NR2F1-AS1: variants seen among roughly 807,000 people sequenced by gnomAD.
NR2F1-AS1 encodes the protein NR2F1 antisense RNA 1.
intron 4 of NR2F1-AS1, among the ~76,000 whole-genome samples, chr5:93,523,166 G>A (rs1444031272): frequency 6.6e-6 from 1 of 152,150 alleles, no homozygotes; most frequent in Admixed American, 6.5e-5. Context: ...GGTGGGGGGA[G>A]GGGTGTCTGC....
intron 4 of NR2F1-AS1, among the ~76,000 whole-genome samples, chr5:93,493,141 T>C (rs1228086508): frequency 2.0e-5 from 3 of 152,056 alleles, no homozygotes; most frequent in Non-Finnish European, 4.4e-5. Flanking sequence ...CAAAATTCCA[T>C]AGAATCAATC....
intron 4 of NR2F1-AS1, among the ~76,000 whole-genome samples, chr5:93,521,994 T>C (rs1366555315): frequency 1.3e-5 from 2 of 152,128 alleles, no homozygotes; most frequent in Admixed American, 6.6e-5. Flanking sequence ...AAAGAAAATG[T>C]GGTACATATA....
chr5:93,479,961 A>G (rs564471295), intron 4 of NR2F1-AS1, among the ~76,000 whole-genome samples: 33 of 152,280 alleles, frequency 2.2e-4, no homozygotes, highest in Admixed American at 8.5e-4. Flanking sequence ...TTGAAGACAG[A>G]ACAATTATAC....
chr5:93,499,837 T>C (rs1325434465), intron 4 of NR2F1-AS1, among the ~76,000 whole-genome samples: 1 of 152,204 alleles, frequency 6.6e-6, no homozygotes, highest in African/African-American at 2.4e-5. Context: ...AAAACAGCCT[T>C]ATTGCTGATG....
At chr5:93,533,813 T>C (rs565266133) in intron 4 of NR2F1-AS1, among the ~76,000 whole-genome samples, 55 of 152,308 alleles carry the variant, frequency 3.6e-4, no homozygotes, top group Non-Finnish European at 7.2e-4. Flanking sequence ...TTAAGCAATG[T>C]CGTTTAACTT....
rs532128724 is a variant in NR2F1-AS1, at chr5:93,534,745, G to T, written n.638+19016C>A. On this transcript the variant is annotated intron_variant and non_coding_transcript_variant, in intron 4 of 5. Coordinates refer to ENST00000660523, the Ensembl canonical transcript of NR2F1-AS1. ...ATCATCCAGGAAACAAGTAAATTAC[G>T]ATCCAGCCGGTGTAAAAGCTATACC... Among the ~76,000 whole-genome samples the T allele has an allele frequency of 2.0e-5, 3 of 152,228 alleles. No individual in the cohort carries two copies. The South Asian group carries it at 6.2e-4, about 32-fold the overall frequency.
chr5:93,517,166 T>C (rs538509106), intron 4 of NR2F1-AS1, among the ~76,000 whole-genome samples: 1 of 152,006 alleles, frequency 6.6e-6, no homozygotes, highest in Non-Finnish European at 1.5e-5. Flanking sequence ...TTTGTAGTTA[T>C]CCTCAGGTTC....
intron 4 of NR2F1-AS1, among the ~76,000 whole-genome samples, chr5:93,498,187 A>G (rs777526750): frequency 6.6e-6 from 1 of 151,916 alleles, no homozygotes; most frequent in Non-Finnish European, 1.5e-5. Flanking sequence ...AAATAAATAA[A>G]TTTTAAAACA....
chr5:93,410,236 C>T (rs1748825300), intron 4 of NR2F1-AS1: 1 of 152,118 alleles, frequency 6.6e-6, no homozygotes, highest in Admixed American at 6.5e-5. Flanking sequence ...GAGCCGTTGC[C>T]CAGATGGATT....
chr5:93,574,103 T>G (rs1310953605), intron 1 of NR2F1-AS1, among the ~76,000 whole-genome samples: 2 of 152,232 alleles, frequency 1.3e-5, no homozygotes, highest in African/African-American at 4.8e-5. Flanking sequence ...CTAGCTGGTT[T>G]GAGTTTAATT....
chr5:93,526,893 C>T (rs909500995), intron 4 of NR2F1-AS1, among the ~76,000 whole-genome samples: 5 of 152,136 alleles, frequency 3.3e-5, no homozygotes, highest in Non-Finnish European at 7.3e-5. Flanking sequence ...CAATATCATA[C>T]TGAATGGGCA....
intron 4 of NR2F1-AS1, among the ~76,000 whole-genome samples, chr5:93,462,690 C>G (rs2149864414): frequency 6.6e-6 from 1 of 152,214 alleles, no homozygotes; most frequent in African/African-American, 2.4e-5. Context: ...CAATGAAATC[C>G]AGGCATGGTC....
intron 4 of NR2F1-AS1, among the ~76,000 whole-genome samples, chr5:93,548,341 T>C (rs1752137810): frequency 6.6e-6 from 1 of 152,166 alleles, no homozygotes; most frequent in South Asian, 2.1e-4. Context: ...CATTCCCACA[T>C]CTATGGTCTA....
chr5:93,454,493 T>C (rs1440068453), intron 4 of NR2F1-AS1, among the ~76,000 whole-genome samples: 1 of 152,194 alleles, frequency 6.6e-6, no homozygotes, highest in African/African-American at 2.4e-5. Context: ...GAAAAAACTT[T>C]TGATCTAATA....
rs1484487131 is a variant in NR2F1-AS1, at chr5:93,418,215, C to G, written n.639-22673G>C. On this transcript the variant is annotated intron_variant and non_coding_transcript_variant, in intron 4 of 5. Transcript: ENST00000660523. ...CTTCCTGGTGACTGACAGCCGAGGC[C>G]TAAAGGGGGCCAGCTTGCCGAGGAC... 2.6e-5 allele frequency among the ~76,000 whole-genome samples: 4 copies of G among 152,080 alleles called. No individual in the cohort carries two copies. In the East Asian group the frequency reaches 7.7e-4, roughly 29 times the overall value.
chr5:93,527,299 G>A (rs1250532221), intron 4 of NR2F1-AS1, among the ~76,000 whole-genome samples: 1 of 152,162 alleles, frequency 6.6e-6, no homozygotes, highest in African/African-American at 2.4e-5. Flanking sequence ...AAATGTGAAG[G>A]ACCTCTTCAA....
upstream of NR2F1-AS1, among the ~76,000 whole-genome samples, chr5:93,581,668 GTCTCTCTCTCTCTCTC>G (rs1232503527): frequency 1.6e-4 from 5 of 32,122 alleles, no homozygotes; most frequent in Admixed American, 5.0e-4. Context: ...CGGGGTCTCG[GTCTCTCTCTCTCTCTC>G]TCTCTCTCTC....
rs1296805586 is a variant in NR2F1-AS1, at chr5:93,551,867, T to C, written n.638+1894A>G. ...ATAACAAAATTCCAGACACACATTA[T>C]ACATTGACTCCAAGAAACTAGTATA... On this transcript the variant is annotated intron_variant and non_coding_transcript_variant, in intron 4 of 5. Transcript: ENST00000660523. 4.6e-5 allele frequency among the ~76,000 whole-genome samples: 7 copies of C among 152,302 alleles called. No individual in the cohort carries two copies. In the East Asian group the frequency reaches 1.3e-3, roughly 29 times the overall value.
chr5:93,568,653 AT>A (rs1752669428), intron 1 of NR2F1-AS1, among the ~76,000 whole-genome samples: 1 of 152,190 alleles, frequency 6.6e-6, no homozygotes, highest in Non-Finnish European at 1.5e-5. Context: ...TAACTACTCA[AT>A]TTTTGAGTGG....
Sources: gnomAD v4.1 joint callset for allele counts (sites outside exome capture counted in the v4.1 genomes callset) on GRCh38, gnomAD v4.1.1 for gene constraint, MANE v1.5 for transcripts, NCBI Gene and HGNC (gene_info 2026-07-23, HGNC 2026-07-21) for gene names.